The following FSTL5 variants were observed in gnomAD, a reference collection of about 807,000 sequenced individuals.
The protein encoded by FSTL5 is follistatin-related protein 5.
A neutral mutation model predicts 89.1 loss-of-function variants in FSTL5; 62 were observed. That is an observed-to-expected ratio of 0.70 (90% confidence interval 0.57 to 0.86). FSTL5 has a LOEUF of 0.86. FSTL5 is among the 40% of genes least tolerant of loss of function. The probability of loss-of-function intolerance (pLI) is 0.00; values close to 1 mark genes in which losing one functional copy is unlikely to be tolerated. For synonymous variants in FSTL5, 383 were observed against 346.2 expected (o/e 1.11, Z -1.18); for missense variants, 1,057 against 1,001.6 (o/e 1.06, Z -0.75).
Position 162,148,392 on chromosome 4 carries a change from G to A in FSTL5, c.-17+15223C>T, listed in dbSNP as rs76131144. Among the ~76,000 whole-genome samples the A allele has an allele frequency of 3.3e-3, 509 of 152,114 alleles. 16 individuals carry two copies. The East Asian group carries it at 0.048, about 14-fold the overall frequency. ...TTGTGTCATCCTAAATTCCTTTTGT[G>A]TCTTGAATTTGGACCTTTAATGCAT... On this transcript the variant is annotated intron_variant, in intron 1 of 15. Coordinates refer to ENST00000306100, the MANE Select transcript of FSTL5 (RefSeq NM_020116.5).
intron 2 of FSTL5, among the ~76,000 whole-genome samples, chr4:162,078,563 G>A (rs1266151006): frequency 6.6e-6 from 1 of 151,790 alleles, no homozygotes; most frequent in Non-Finnish European, 1.5e-5. Flanking sequence ...AGTGGTGGAA[G>A]TATTTCTCAT....
At chr4:161,550,608 GTT>G (rs1216142867) in intron 8 of FSTL5, among the ~76,000 whole-genome samples, 10 of 144,290 alleles carry the variant, frequency 6.9e-5, no homozygotes, top group African/African-American at 2.5e-4. Flanking sequence ...TATACTTTAA[GTT>G]TTAGGGTACA....
chr4:161,925,845 C>T (rs2110878542), intron 3 of FSTL5, among the ~76,000 whole-genome samples: 3 of 151,776 alleles, frequency 2.0e-5, no homozygotes, highest in Middle Eastern at 6.8e-3. Flanking sequence ...CATGTGTGTT[C>T]TCAAAATATA....
At chr4:161,428,825 A>C (rs66583960) in intron 15 of FSTL5, among the ~76,000 whole-genome samples, 21,112 of 152,112 alleles carry the variant, frequency 0.14, 1,756 homozygotes, top group East Asian at 0.25. Flanking sequence ...GGGAGAGACT[A>C]CTTATGCTTG....
intron 4 of FSTL5, among the ~76,000 whole-genome samples, chr4:161,818,135 T>TGG (rs1161363854): frequency 6.6e-6 from 1 of 152,122 alleles, no homozygotes; most frequent in Admixed American, 6.6e-5. Flanking sequence ...CACAGGCAGC[T>TGG]GGACATCAAG....
chr4:162,024,351 G>A (rs1450372424), intron 3 of FSTL5, among the ~76,000 whole-genome samples: 1 of 152,104 alleles, frequency 6.6e-6, no homozygotes, highest in Non-Finnish European at 1.5e-5. Context: ...AACTTGGAAA[G>A]CACTTGACAG....
intron 13 of FSTL5, among the ~76,000 whole-genome samples, chr4:161,479,272 AATT>A (rs757424214): frequency 5.9e-5 from 9 of 152,110 alleles, no homozygotes; most frequent in Non-Finnish European, 1.2e-4. Context: ...CAGTTTATGT[AATT>A]ATTACCATAT....
chr4:161,837,500 G>C (rs1179517847), intron 4 of FSTL5, among the ~76,000 whole-genome samples: 4 of 152,068 alleles, frequency 2.6e-5, no homozygotes, highest in African/African-American at 4.8e-5. Flanking sequence ...TTTCTGAAGA[G>C]AGGGCATTTC....
At chr4:161,496,659 T>C (rs941367922) in intron 12 of FSTL5, among the ~76,000 whole-genome samples, 1 of 152,130 alleles carries the variant, frequency 6.6e-6, no homozygotes, top group African/African-American at 2.4e-5. Flanking sequence ...GACTGCAACA[T>C]CAACTCTTAT....
intron 10 of FSTL5, among the ~76,000 whole-genome samples, chr4:161,516,107 T>C (rs1300101159): frequency 6.7e-6 from 1 of 148,536 alleles, no homozygotes. Flanking sequence ...AAAAACATAA[T>C]GTATTATATA....
At chr4:161,497,479 T>A (rs1220282208) in intron 12 of FSTL5, among the ~76,000 whole-genome samples, 1 of 152,076 alleles carries the variant, frequency 6.6e-6, no homozygotes, top group African/African-American at 2.4e-5. Flanking sequence ...CAACATCCAA[T>A]GCAGTAAAAA....
intron 4 of FSTL5, among the ~76,000 whole-genome samples, chr4:161,872,980 A>G (rs917711209): frequency 6.6e-6 from 1 of 152,206 alleles, no homozygotes; most frequent in Non-Finnish European, 1.5e-5. Context: ...GAAACATGTT[A>G]GAAATACATA....
At chr4:161,541,242 T>C (rs1731809318) in intron 9 of FSTL5, among the ~76,000 whole-genome samples, 1 of 152,142 alleles carries the variant, frequency 6.6e-6, no homozygotes, top group Admixed American at 6.6e-5. Flanking sequence ...TTTTTCCCTG[T>C]TGTAAAAATT....
intron 3 of FSTL5, among the ~76,000 whole-genome samples, chr4:161,974,855 T>A (rs1369667509): frequency 1.3e-5 from 2 of 151,778 alleles, no homozygotes; most frequent in Non-Finnish European, 2.9e-5. Flanking sequence ...CCTACTCATC[T>A]GACAAAGGGC....
intron 7 of FSTL5, among the ~76,000 whole-genome samples, chr4:161,610,257 G>A (rs1237650267): frequency 2.0e-5 from 3 of 152,040 alleles, no homozygotes; most frequent in Non-Finnish European, 4.4e-5. Context: ...GCACACATTT[G>A]TAAAGTGCCC....
chr4:161,773,529 G>T (rs1036155124), intron 5 of FSTL5, among the ~76,000 whole-genome samples: 7 of 152,094 alleles, frequency 4.6e-5, no homozygotes, highest in African/African-American at 1.7e-4. Flanking sequence ...CAAAAAGTGG[G>T]CTAAGGACAT....
intron 2 of FSTL5, among the ~76,000 whole-genome samples, chr4:162,076,335 T>C (rs1729843537): frequency 6.6e-6 from 1 of 151,940 alleles, no homozygotes; most frequent in Non-Finnish European, 1.5e-5. Flanking sequence ...CAAACTGTCT[T>C]GTCAAGAATC....
At chr4:161,545,697 C>T (rs1731981743) in intron 8 of FSTL5, among the ~76,000 whole-genome samples, 1 of 151,932 alleles carries the variant, frequency 6.6e-6, no homozygotes, top group Admixed American at 6.6e-5. Flanking sequence ...TTACTAGTTG[C>T]ATTCCATTTA....
At chr4:161,605,426 T>TA (rs537359886) in intron 7 of FSTL5, among the ~76,000 whole-genome samples, 10 of 151,984 alleles carry the variant, frequency 6.6e-5, no homozygotes, top group African/African-American at 1.4e-4. Flanking sequence ...ACATGTTTGT[T>TA]AAAAAAAATT....
Sources: gnomAD v4.1 joint callset for allele counts (sites outside exome capture counted in the v4.1 genomes callset) on GRCh38, gnomAD v4.1.1 for gene constraint, MANE v1.5 for transcripts, NCBI Gene and HGNC (gene_info 2026-07-23, HGNC 2026-07-21) for gene names.